Variants in TLN2 observed in about 807,000 individuals in gnomAD.
TLN2 encodes talin-2.
A neutral mutation model predicts 294.7 loss-of-function variants in TLN2; 118 were observed. That is an observed-to-expected ratio of 0.40 (90% CI 0.34 to 0.47). TLN2 has a LOEUF of 0.47. Among genes scored for constraint, TLN2 ranks in the 20% least tolerant of loss-of-function variants. The pLI, the probability that TLN2 is intolerant of heterozygous loss-of-function variation, is 0.84. For missense variants in TLN2, 3,083 were observed against 3,282.2 expected (o/e 0.94, Z 1.48); for synonymous variants, 1,431 against 1,304.5 (o/e 1.10, Z -2.09).
intron 19 of TLN2, among the ~76,000 whole-genome samples, chr15:62,703,657 A>G (rs2058872269): frequency 6.8e-6 from 1 of 147,134 alleles, no homozygotes; most frequent in African/African-American, 2.4e-5. Flanking sequence ...ACACAGAGAA[A>G]GAGAGAGAGA....
intron 34 of TLN2, among the ~76,000 whole-genome samples, chr15:62,750,712 G>T (rs886325593): frequency 2.0e-5 from 3 of 152,138 alleles, no homozygotes; most frequent in Non-Finnish European, 4.4e-5. Context: ...CTACCCCCAA[G>T]TTTCTGTTTC....
At chr15:62,827,997 C>G (rs1367260919) in intron 54 of TLN2, 2 of 152,280 alleles carry the variant, frequency 1.3e-5, no homozygotes, top group African/African-American at 4.8e-5. Context: ...ACTTTCCACA[C>G]CACTTCCCCT....
intron 50 of TLN2, among the ~76,000 whole-genome samples, chr15:62,804,070 C>G (rs1438635737): frequency 6.6e-6 from 1 of 152,102 alleles, no homozygotes; most frequent in Non-Finnish European, 1.5e-5. Flanking sequence ...TGGATAAGAT[C>G]CAGAAGAATT....
At chr15:62,654,921 T>C (rs2053034491) in intron 7 of TLN2, among the ~76,000 whole-genome samples, 1 of 152,090 alleles carries the variant, frequency 6.6e-6, no homozygotes, top group Admixed American at 6.5e-5. Flanking sequence ...GAAAGGGTCT[T>C]AATTTATTAC....
At chr15:62,421,777 C>G (rs2034414401) in intron 1 of TLN2, among the ~76,000 whole-genome samples, 1 of 151,890 alleles carries the variant, frequency 6.6e-6, no homozygotes, top group Non-Finnish European at 1.5e-5. Flanking sequence ...CACAAGTTTA[C>G]CTGTATAACA....
At chr15:62,397,381 C>G (rs748350940) in intron 1 of TLN2, among the ~76,000 whole-genome samples, 5 of 152,214 alleles carry the variant, frequency 3.3e-5, no homozygotes, top group Non-Finnish European at 5.9e-5. Context: ...CCTCGGCCTC[C>G]TGTGAAACTG....
rs192403615 is a variant in TLN2, at chr15:62,798,393, T to C, written c.6234+991T>C. Reference sequence around the variant, plus strand: ...AAGGACAGTCACCACAGTTTGCTCATCTTTGAAACCTGCACATGCGGCACA... The same window carrying C: ...AAGGACAGTCACCACAGTTTGCTCACCTTTGAAACCTGCACATGCGGCACA... On this transcript the variant is annotated intron_variant, in intron 48 of 58. Transcript: ENST00000636159. 5.0e-4 allele frequency among the ~76,000 whole-genome samples: 76 copies of C among 152,290 alleles called. 1 individual carries two copies. The highest frequency in any genetic ancestry group is 8.2e-4 in the Non-Finnish European group (56 of 68,022).
At chr15:62,599,788 G>A (rs1343387446) in intron 2 of TLN2, among the ~76,000 whole-genome samples, 1 of 152,118 alleles carries the variant, frequency 6.6e-6, no homozygotes, top group Non-Finnish European at 1.5e-5. Context: ...GGTTGTTGCC[G>A]GCACAGAGGG....
intron 3 of TLN2, among the ~76,000 whole-genome samples, chr15:62,647,047 C>A (rs889424831): frequency 6.6e-6 from 1 of 152,222 alleles, no homozygotes; most frequent in Non-Finnish European, 1.5e-5. Flanking sequence ...TTCTACTTGT[C>A]ACCCTGTAGT....
intron 1 of TLN2, among the ~76,000 whole-genome samples, chr15:62,504,312 A>C (rs905085977): frequency 1.3e-5 from 2 of 152,256 alleles, no homozygotes; most frequent in Admixed American, 1.3e-4. Context: ...GTTTGTTTTA[A>C]TAAATCAACA....
In TLN2 at chr15:62,800,469, G is replaced by C; in HGVS notation, c.6336G>C (p.Met2112Ile). ...GCAAGCCAGTGGACGACCCTTCCAT[G>C]TACCAGCTCAAGGGGGCTGCCAAGG... Reference protein sequence around the residue: ...AASKPVDDPSMYQLKGAAKVM... With the variant: ...AASKPVDDPSIYQLKGAAKVM... Residue 2112 changes from methionine (M) to isoleucine (I), a missense_variant, in exon 49 of 59, where the codon ATG (methionine) becomes ATC (isoleucine). Met to Ile is a conservative substitution (Grantham distance 10). Transcript: ENST00000636159. The C allele has an allele frequency of 1.9e-6, 3 of 1,614,190 alleles. No homozygotes were observed. The highest frequency in any genetic ancestry group is 2.5e-6 in the Non-Finnish European group (3 of 1,180,040).
chr15:62,652,285 C>T, intron 6 of TLN2, 151 bp downstream of exon 6: 1 of 784,044 alleles, frequency 1.3e-6, no homozygotes, highest in East Asian at 3.2e-5. Context: ...TGTCCATTCT[C>T]CCAACTTGCC....
chr15:62,675,414 A>AC, intron 11 of TLN2, 93 bp downstream of exon 11: 2 of 1,286,672 alleles, frequency 1.6e-6, no homozygotes, highest in South Asian at 2.6e-5. Context: ...TGTCCTGCTC[A>AC]CCCCCCTAGC....
At chr15:62,628,201 T>C (rs1301240394) in intron 3 of TLN2, among the ~76,000 whole-genome samples, 1 of 152,262 alleles carries the variant, frequency 6.6e-6, no homozygotes, top group East Asian at 1.9e-4. Context: ...AGGTGTGGAC[T>C]ATAATTTTTC....
In TLN2 at chr15:62,844,584, T is replaced by G. The variant is rs1432445879; in HGVS notation, c.*3974T>G. 6.6e-6 allele frequency: 1 copy of G among 152,114 alleles called. No individual in the cohort carries two copies. The highest frequency in any genetic ancestry group is 1.9e-4 in the East Asian group (1 of 5,178). 9.4% of individuals were successfully genotyped at this position (152,114 alleles called of 1,614,324 possible). ...ACATACATTAATTTATCTAACCACATAAGTTATTTTTTTTTATTTGCCAGA... is the reference window on the plus strand; with the variant it reads ...ACATACATTAATTTATCTAACCACAGAAGTTATTTTTTTTTATTTGCCAGA... On this transcript the variant is annotated 3_prime_UTR_variant, in exon 59 of 59. Transcript: ENST00000636159.
Position 62,392,042 on chromosome 15 carries a change from G to C in TLN2, c.-238+1357G>C, listed in dbSNP as rs368764456. Among the ~76,000 whole-genome samples, 35 of 152,394 alleles carry C rather than the reference G, an allele frequency of 2.3e-4. No homozygotes were observed. The East Asian group carries it at 6.2e-3, about 27-fold the overall frequency. Reference sequence around the variant, plus strand: ...GGATCAGGACCAGGGCCTGGCCTGTGGTCGCCCCGAGGCCGCCGAACAGCC... The same window carrying C: ...GGATCAGGACCAGGGCCTGGCCTGTCGTCGCCCCGAGGCCGCCGAACAGCC... On this transcript the variant is annotated intron_variant, in intron 1 of 58. Transcript: ENST00000636159.
At chr15:62,566,866 T>A (rs534880574) in intron 1 of TLN2, among the ~76,000 whole-genome samples, 22 of 152,054 alleles carry the variant, frequency 1.4e-4, no homozygotes, top group Admixed American at 4.6e-4. Flanking sequence ...TTTTTTTTTT[T>A]AATATATAAA....
At chr15:62,813,207 T>G (rs1378521965) in intron 52 of TLN2, among the ~76,000 whole-genome samples, 1 of 152,256 alleles carries the variant, frequency 6.6e-6, no homozygotes, top group Non-Finnish European at 1.5e-5. Flanking sequence ...GATTCTTCCT[T>G]GTATTTTTTG....
chr15:62,415,062 C>T (rs1241933954), intron 1 of TLN2, among the ~76,000 whole-genome samples: 1 of 140,568 alleles, frequency 7.1e-6, no homozygotes, highest in African/African-American at 2.5e-5. Context: ...GCGTGCACCA[C>T]CATGCCCTGC....
Sources: allele counts gnomAD v4.1 joint callset (sites outside exome capture counted in the v4.1 genomes callset), GRCh38; gene constraint gnomAD v4.1.1; transcripts MANE v1.5; gene names NCBI Gene and HGNC (gene_info 2026-07-23, HGNC 2026-07-21).